The following ANK1 variants were observed in gnomAD, a reference collection of about 807,000 sequenced individuals.
The protein encoded by ANK1 is ankyrin 1.
Under a neutral mutation model 210.4 loss-of-function variants are expected in ANK1, and 51 were observed. That is an observed-to-expected ratio of 0.24 (90% CI 0.19 to 0.31). The LOEUF (loss-of-function observed/expected upper bound fraction) is 0.31, where lower values mean the gene tolerates loss of function less well. Among genes scored for constraint, ANK1 ranks in the 10% least tolerant of loss-of-function variants. The pLI is 1.00. For synonymous variants in ANK1, 967 were observed against 1,025.9 expected, an observed-to-expected ratio of 0.94 and a Z score of 1.10; for missense variants, 2,051 against 2,504.4, an observed-to-expected ratio of 0.82 and a Z score of 3.86.
chr8:41,812,534 A>T (rs1230277228), intron 1 of ANK1, among the ~76,000 whole-genome samples: 1 of 152,224 alleles, frequency 6.6e-6, no homozygotes, highest in East Asian at 1.9e-4. Context: ...TTCCTGATAA[A>T]GATACTTTCA....
intron 1 of ANK1, among the ~76,000 whole-genome samples, chr8:41,762,268 C>A (rs911418030): frequency 6.6e-6 from 1 of 152,220 alleles, no homozygotes; most frequent in African/African-American, 2.4e-5. Flanking sequence ...TCTTTCTTCC[C>A]TTCAAGGCCC....
chr8:41,660,820 C>T (rs1807834387), intron 42 of ANK1, among the ~76,000 whole-genome samples: 2 of 152,148 alleles, frequency 1.3e-5, no homozygotes, highest in Admixed American at 6.5e-5. Flanking sequence ...TAAGCCTTGG[C>T]CTGGTGAGAA....
chr8:41,750,312 C>T (rs1473246290), intron 2 of ANK1, among the ~76,000 whole-genome samples: 1 of 152,212 alleles, frequency 6.6e-6, no homozygotes, highest in Non-Finnish European at 1.5e-5. Context: ...GGTTTTCGCA[C>T]TGGAAATCGT....
intron 1 of ANK1, among the ~76,000 whole-genome samples, chr8:41,803,042 A>G (rs1308970713): frequency 1.5e-5 from 1 of 66,576 alleles, no homozygotes; most frequent in Admixed American, 1.4e-4. Flanking sequence ...AGAAAGAAAG[A>G]GAAAGAAAGA....
intron 14 of ANK1, among the ~76,000 whole-genome samples, chr8:41,715,441 G>A (rs1827358960): frequency 6.6e-6 from 1 of 152,266 alleles, no homozygotes; most frequent in Non-Finnish European, 1.5e-5. Flanking sequence ...CTGGCTGGGT[G>A]TGTGAGAAGC....
chr8:41,735,349 C>T (rs1054341619), intron 2 of ANK1, among the ~76,000 whole-genome samples: 1 of 152,196 alleles, frequency 6.6e-6, no homozygotes, highest in African/African-American at 2.4e-5. Context: ...CAAACTCCAC[C>T]TCCTGCTTTT....
At chr8:41,814,265 C>A (rs1264836058) in intron 1 of ANK1, among the ~76,000 whole-genome samples, 1 of 150,850 alleles carries the variant, frequency 6.6e-6, no homozygotes, top group African/African-American at 2.4e-5. Context: ...GAGGCTGAGG[C>A]AGGAGAATGG....
chr8:41,802,322 A>C (rs924887688), upstream of ANK1, among the ~76,000 whole-genome samples: 1 of 152,132 alleles, frequency 6.6e-6, no homozygotes, highest in Non-Finnish European at 1.5e-5. Flanking sequence ...AGGTCTTTAA[A>C]TCCACTTGAC....
At chr8:41,721,481 T>C (rs1262413623) in intron 9 of ANK1, among the ~76,000 whole-genome samples, 4 of 151,740 alleles carry the variant, frequency 2.6e-5, no homozygotes, top group Non-Finnish European at 4.4e-5. Flanking sequence ...ACATGGTGAA[T>C]CCCCATCTCT....
intron 36 of ANK1, among the ~76,000 whole-genome samples, chr8:41,685,121 GT>G (rs1817370651): frequency 6.6e-6 from 1 of 152,132 alleles, no homozygotes; most frequent in African/African-American, 2.4e-5. Flanking sequence ...TAGAGACAAG[GT>G]TTTGCCATGT....
intron 1 of ANK1, among the ~76,000 whole-genome samples, chr8:41,862,418 T>G (rs561920654): frequency 6.6e-6 from 1 of 152,102 alleles, no homozygotes; most frequent in African/African-American, 2.4e-5. Flanking sequence ...GGAAACCACA[T>G]GCTCCCAGCC....
intron 2 of ANK1, 119 bp from the exon 3 acceptor site, chr8:41,734,188 G>A (rs1247962928): frequency 6.7e-6 from 6 of 902,018 alleles, no homozygotes; most frequent in Non-Finnish European, 1.1e-5. Flanking sequence ...GAGAAAAGGA[G>A]TGGAGTGTGT....
Position 41,718,159 on chromosome 8 carries a change from G to A in ANK1, c.1153C>T (p.Arg385Cys), listed in dbSNP as rs142626656. The A allele has an allele frequency of 1.0e-3, 1,624 of 1,614,028 alleles. No individual in the cohort carries two copies. The highest frequency in any genetic ancestry group is 1.3e-3 in the Non-Finnish European group (1,487 of 1,180,008). The change falls in exon 11 of 43, where the codon CGT becomes TGT. Residue 385 changes from arginine to cysteine, a missense_variant. Physicochemically the swap from Arg to Cys is radical, Grantham distance 180 (BLOSUM62 -3). Coordinates refer to ENST00000289734, the MANE Select transcript of ANK1 (RefSeq NM_000037.4). ...LHIACKKNHVRVMELLLKTGA... is the reference protein window; with the variant it reads ...LHIACKKNHVCVMELLLKTGA... ...GTCTTCAGCAGCAGCTCCATGACAC[G>A]GACGTGGTTCTTTTTGCAGGCGATG...
Position 41,684,622 on chromosome 8 carries a change from C to T in ANK1, c.4459G>A (p.Gly1487Ser), listed in dbSNP as rs565043145. The change falls in exon 37 of 43, where the codon GGC (glycine) becomes AGC (serine). Residue 1487 changes from glycine (G) to serine (S), a missense_variant. Coordinates refer to ENST00000289734, the MANE Select transcript of ANK1 (RefSeq NM_000037.4). ...GGCTTCAAGTTGCGGCTCTGTCGGCCGGAACCCTCCAGCATGTTCACGATC... is the reference window on the plus strand; with the variant it reads ...GGCTTCAAGTTGCGGCTCTGTCGGCTGGAACCCTCCAGCATGTTCACGATC... ...GEIVNMLEGS[G>S]RQSRNLKPDR... is the part of the protein sequence containing the mutation. 2.4e-5 allele frequency: 39 copies of T among 1,613,870 alleles called. No homozygotes were observed. Among genetic ancestry groups the T allele is most frequent in the Middle Eastern group, 1.6e-4 (1 of 6,062 alleles).
chr8:41,804,976 G>A (rs112050337), intron 1 of ANK1, among the ~76,000 whole-genome samples: 1,738 of 152,176 alleles, frequency 0.011, 16 homozygotes, highest in Non-Finnish European at 0.018. Flanking sequence ...AGAGAATAGT[G>A]TTGAATGGAA....
At chr8:41,814,359 C>CAAA (rs34734381) in intron 1 of ANK1, among the ~76,000 whole-genome samples, 1 of 124,428 alleles carries the variant, frequency 8.0e-6, no homozygotes, top group African/African-American at 2.9e-5. Flanking sequence ...GACTCCATCT[C>CAAA]AAAAAAAAAA....
chr8:41,698,698 G>T (rs978549290), intron 23 of ANK1, among the ~76,000 whole-genome samples: 1 of 152,172 alleles, frequency 6.6e-6, no homozygotes, highest in Non-Finnish European at 1.5e-5. Context: ...GGCAGACCCG[G>T]ATCTCCCCTG....
At chr8:41,865,935 C>A (rs147590158) in intron 1 of ANK1, among the ~76,000 whole-genome samples, 2 of 152,320 alleles carry the variant, frequency 1.3e-5, no homozygotes, top group East Asian at 3.9e-4. Context: ...TGTGACAGTG[C>A]CACTCCAATG....
chr8:41,828,197 G>C (rs575486505), intron 1 of ANK1: 1 of 152,306 alleles, frequency 6.6e-6, no homozygotes, highest in Non-Finnish European at 1.5e-5. Context: ...CCTATGAAAG[G>C]CTGCGAGCTA....
Sources: allele counts gnomAD v4.1 joint callset (sites outside exome capture counted in the v4.1 genomes callset), GRCh38; gene constraint gnomAD v4.1.1; transcripts MANE v1.5; gene names NCBI Gene and HGNC (gene_info 2026-07-23, HGNC 2026-07-21).